The following SYTL5 variants were observed in gnomAD, a reference collection of about 807,000 sequenced individuals.
The protein encoded by SYTL5 is synaptotagmin-like protein 5.
Under a neutral mutation model 55.9 loss-of-function variants are expected in SYTL5, and 34 were observed. That is an observed-to-expected ratio of 0.61 (90% CI 0.46 to 0.81). The LOEUF (loss-of-function observed/expected upper bound fraction) is 0.81, where lower values mean the gene tolerates loss of function less well. SYTL5 is among the 30% of genes least tolerant of loss of function. The pLI is 0.00. For missense variants in SYTL5, 637 were observed against 546.7 expected (o/e 1.17, Z -1.65); for synonymous variants, 221 against 188.7 (o/e 1.17, Z -1.40).
At chrX:38,058,298 G>C (rs1320549787) in intron 3 of SYTL5, among the ~76,000 whole-genome samples, 1 of 111,103 alleles carries the variant, frequency 9.0e-6, no homozygotes, top group Non-Finnish European at 1.9e-5. Context: ...ATCGAGAAAG[G>C]TATGCTAAAC....
chrX:38,043,206 A>G (rs1442467830), intron 2 of SYTL5, among the ~76,000 whole-genome samples: 7 of 111,143 alleles, frequency 6.3e-5, no homozygotes, highest in Non-Finnish European at 1.3e-4. Context: ...ATAAACCTCA[A>G]TCCACTTAAA....
At chrX:37,992,234 G>C in the SYTL5 span, among the ~76,000 whole-genome samples, 1 of 112,799 alleles carries the variant, frequency 8.9e-6, no homozygotes, top group East Asian at 2.8e-4. Flanking sequence ...AAAACTTCCT[G>C]CTCTGTGCTA....
chrX:37,960,987 G>A, the SYTL5 span, among the ~76,000 whole-genome samples: 34 of 108,372 alleles, frequency 3.1e-4, no homozygotes, highest in Non-Finnish European at 5.5e-4. Flanking sequence ...TAGTAGAGAC[G>A]GGGTTTCACC....
chrX:37,919,652 C>T, the SYTL5 span, among the ~76,000 whole-genome samples: 1 of 112,090 alleles, frequency 8.9e-6, no homozygotes, highest in East Asian at 2.8e-4. Context: ...GACATTTCCA[C>T]AAAACGAAAA....
the SYTL5 span, among the ~76,000 whole-genome samples, chrX:37,960,810 A>ATTT: frequency 1.1e-5 from 1 of 88,565 alleles, no homozygotes; most frequent in African/African-American, 4.1e-5. Context: ...TTATTTATTT[A>ATTT]TTTGAGATGG....
At position 38,093,907 on chromosome X, in the gene SYTL5, G is replaced by A. The variant is rs868810525; in HGVS notation, c.832-388G>A. Among the ~76,000 whole-genome samples the A allele has an allele frequency of 3.3e-4, 37 of 110,511 alleles. No individual in the cohort carries two copies. In the Middle Eastern group the frequency reaches 0.019, roughly 56 times the overall value. On this transcript the variant is annotated intron_variant, in intron 7 of 16. Transcript: ENST00000297875. ...TATGTTGAAAGAGGGAACAAAATAG[G>A]ACCAAACAGAGTTCTAAGCTTGAGT... is the stretch of plus-strand genomic sequence containing the variant.
At chrX:37,913,031 G>C in the SYTL5 span, among the ~76,000 whole-genome samples, 5 of 111,990 alleles carry the variant, frequency 4.5e-5, no homozygotes, top group Admixed American at 4.7e-4. Context: ...AAAGGGATTT[G>C]ACTTGGCTGG....
intron 10 of SYTL5, among the ~76,000 whole-genome samples, chrX:38,106,328 G>A (rs1433529094): frequency 8.9e-6 from 1 of 111,895 alleles, no homozygotes; most frequent in Non-Finnish European, 1.9e-5. Flanking sequence ...AGTAAGCAAA[G>A]GGTATTCTCT....
At chrX:38,089,696 G>A (rs1405100231) in intron 7 of SYTL5, 109 bp downstream of exon 7, 16 of 867,012 alleles carry the variant, frequency 1.8e-5, no homozygotes, top group Non-Finnish European at 2.5e-5. Flanking sequence ...TTGACTCACA[G>A]TTCTGCATGG....
chrX:37,968,155 T>C, the SYTL5 span, among the ~76,000 whole-genome samples: 1 of 110,794 alleles, frequency 9.0e-6, no homozygotes, highest in African/African-American at 3.3e-5. Context: ...AAATTTATCC[T>C]GTTCCTTGTT....
At chrX:37,894,009 C>A in the SYTL5 span, among the ~76,000 whole-genome samples, 2 of 109,326 alleles carry the variant, frequency 1.8e-5, no homozygotes, top group African/African-American at 3.3e-5. Context: ...ACAAGTTTTG[C>A]CTTTTCTTGA....
At chrX:37,967,336 G>A in the SYTL5 span, among the ~76,000 whole-genome samples, 2 of 111,774 alleles carry the variant, frequency 1.8e-5, no homozygotes, top group African/African-American at 6.5e-5. Flanking sequence ...ACAGGCGTGA[G>A]CCACCATGCC....
At chrX:37,904,730 G>A in the SYTL5 span, among the ~76,000 whole-genome samples, 23 of 111,177 alleles carry the variant, frequency 2.1e-4, no homozygotes, top group Admixed American at 1.7e-3. Flanking sequence ...TGACAACAAA[G>A]GGCGAGTGTT....
chrX:38,102,917 A>C, intron 10 of SYTL5: 1 of 519,151 alleles, frequency 1.9e-6, no homozygotes, highest in African/African-American at 2.4e-5. Flanking sequence ...TTTGAGAGGA[A>C]GGCCCTGTGT....
At chrX:38,062,153 A>G (rs918905163) in intron 3 of SYTL5, among the ~76,000 whole-genome samples, 2 of 110,416 alleles carry the variant, frequency 1.8e-5, no homozygotes, top group African/African-American at 6.6e-5. Context: ...TATTTTTAGT[A>G]GAGATGGGGT....
At chrX:38,098,304 G>A (rs1328464088) in intron 9 of SYTL5, among the ~76,000 whole-genome samples, 2 of 111,136 alleles carry the variant, frequency 1.8e-5, no homozygotes, top group African/African-American at 6.5e-5. Flanking sequence ...TTTGTTAAAG[G>A]ACTTGTATCT....
the SYTL5 span, among the ~76,000 whole-genome samples, chrX:37,981,719 A>G: frequency 8.9e-6 from 1 of 111,866 alleles, no homozygotes; most frequent in African/African-American, 3.3e-5. Flanking sequence ...TCAGCCAGTA[A>G]TTAGTGGAAT....
chrX:37,946,272 AG>A, the SYTL5 span: 1 of 119,039 alleles, frequency 8.4e-6, no homozygotes, highest in Admixed American at 9.4e-5. Flanking sequence ...TGATTGAAAA[AG>A]AATGACAAAA....
At chrX:38,086,480 A>G (rs1376602279) in intron 6 of SYTL5, among the ~76,000 whole-genome samples, 2 of 112,299 alleles carry the variant, frequency 1.8e-5, no homozygotes, top group Non-Finnish European at 3.8e-5. Context: ...AAACTCCCAG[A>G]CAGTGACATA....
Sources: allele counts gnomAD v4.1 joint callset (sites outside exome capture counted in the v4.1 genomes callset), GRCh38; gene constraint gnomAD v4.1.1; transcripts MANE v1.5; gene names NCBI Gene and HGNC (gene_info 2026-07-23, HGNC 2026-07-21).